NBEAL1: variants seen among roughly 807,000 people sequenced by gnomAD.
NBEAL1 encodes the protein neurobeachin like 1, also known as neurobeachin-like protein 1.
In NBEAL1, 273 loss-of-function variants were observed where a neutral mutation model predicts 351.3. That is an observed-to-expected ratio of 0.78 (90% confidence interval 0.70 to 0.86). The LOEUF is 0.86. Among genes scored for constraint, NBEAL1 ranks in the 40% least tolerant of loss-of-function variants. The pLI is 0.00. For missense variants in NBEAL1, 2,961 were observed against 3,201.3 expected, an observed-to-expected ratio of 0.92 and a Z score of 1.81; for synonymous variants, 1,050 against 1,086.4, an observed-to-expected ratio of 0.97 and a Z score of 0.66.
intron 2 of NBEAL1, among the ~76,000 whole-genome samples, chr2:203,021,285 T>C (rs2060768327): frequency 6.6e-6 from 1 of 151,736 alleles, no homozygotes; most frequent in Admixed American, 6.6e-5. Context: ...CCCAGCCCAG[T>C]ATTTTTTTTA....
intron 15 of NBEAL1, among the ~76,000 whole-genome samples, chr2:203,110,761 TTTTTTC>T (rs1384955387): frequency 1.8e-5 from 1 of 56,264 alleles, no homozygotes; most frequent in Non-Finnish European, 4.1e-5. Context: ...GTAAATTTTC[TTTTTTC>T]TTTTTTTTTT....
In NBEAL1 at chr2:203,130,418, TG is replaced by T; in HGVS notation, c.3507del (p.Tyr1170ThrfsTer5). 1.3e-6 allele frequency: 2 copies of T among 1,511,280 alleles called. No individual in the cohort carries two copies. Among genetic ancestry groups the T allele is most frequent in the Non-Finnish European group, 1.8e-6 (2 of 1,133,366 alleles). The allele number at this position is 1,511,280 out of a possible 1,614,324, so 93.6% of individuals were successfully genotyped here. ...TTTGAACCAGGAAATGCTGACATAC[TG>T]TACGCATTGCTCTTAAATCAGAAGT... is the stretch of plus-strand genomic sequence containing the variant. ...LLFEPGNADILYALLLNQKYS... is the reference protein window; with the variant it reads ...LLFEPGNADIXYALLLNQKYS... On this transcript the variant is annotated frameshift_variant, in exon 25 of 56. Transcript: ENST00000683969. LOFTEE classifies it high-confidence loss of function.
At chr2:203,114,444 A>G (rs2062643836) in intron 17 of NBEAL1, among the ~76,000 whole-genome samples, 1 of 152,216 alleles carries the variant, frequency 6.6e-6, no homozygotes, top group African/African-American at 2.4e-5. Context: ...TCATGAAGGC[A>G]GTAGAATTAG....
intron 35 of NBEAL1, among the ~76,000 whole-genome samples, chr2:203,154,934 C>CAAA (rs55890648): frequency 5.8e-4 from 54 of 92,554 alleles, no homozygotes; most frequent in Non-Finnish European, 7.4e-4. Context: ...GACCTTGTCT[C>CAAA]AAAAAAAAAA....
chr2:203,128,355 G>A (rs187078577), intron 24 of NBEAL1, among the ~76,000 whole-genome samples: 6 of 139,082 alleles, frequency 4.3e-5, no homozygotes, highest in Non-Finnish European at 9.1e-5. Context: ...TGGTCTACCC[G>A]CCTAGGGCTC....
chr2:203,213,405 G>A (rs2065841124), intron 54 of NBEAL1, 113 bp from the exon 55 acceptor site: 3 of 996,830 alleles, frequency 3.0e-6, no homozygotes, highest in Admixed American at 5.2e-5. Flanking sequence ...TCCCACATCT[G>A]TAAAATTAGA....
chr2:203,040,959 TATC>T (rs1057124196), intron 2 of NBEAL1: 11 of 287,320 alleles, frequency 3.8e-5, no homozygotes, highest in Admixed American at 1.3e-4. Context: ...TGGGGGGAAT[TATC>T]ATCAGGTATC....
rs576879853 is a variant in NBEAL1 at position 203,201,783 on chromosome 2, C to T, written c.7411+68C>T. 201 of 1,310,766 alleles carry T rather than the reference C, an allele frequency of 1.5e-4. 3 individuals are homozygous for T. In the South Asian group the frequency reaches 2.5e-3, roughly 16 times the overall value. The allele number at this position is 1,310,766 out of a possible 1,614,324, so 81.2% of individuals were successfully genotyped here. On this transcript the variant is annotated intron_variant, in intron 50 of 55. Coordinates refer to ENST00000683969, the MANE Select transcript of NBEAL1 (RefSeq NM_001378026.1). ...TTTTTTCTTAAGTATAAAAGTAGTA[C>T]GTGCTCTTTGTAAAGAGCATTAAAT...
intron 36 of NBEAL1, 34 bp downstream of exon 36, chr2:203,157,859 AG>A: frequency 1.4e-6 from 2 of 1,440,618 alleles, no homozygotes; most frequent in Non-Finnish European, 1.8e-6. Flanking sequence ...TTTTGTTCTG[AG>A]AAAGGGGATT....
chr2:203,216,975 T>C (rs564325389), intron 55 of NBEAL1, among the ~76,000 whole-genome samples: 2 of 152,230 alleles, frequency 1.3e-5, no homozygotes, highest in South Asian at 4.1e-4. Context: ...GGCTAATTTT[T>C]GTATCTTCAG....
chr2:203,195,824 G>A (rs886946208), intron 47 of NBEAL1, among the ~76,000 whole-genome samples: 2 of 152,098 alleles, frequency 1.3e-5, no homozygotes, highest in Non-Finnish European at 2.9e-5. Flanking sequence ...GGCTGGTCGC[G>A]TACACACCCC....
At chr2:203,090,205 CT>C (rs895462992) in intron 10 of NBEAL1, among the ~76,000 whole-genome samples, 280 of 151,464 alleles carry the variant, frequency 1.8e-3, no homozygotes, top group Non-Finnish European at 9.0e-4. Flanking sequence ...TTAAAAAAAA[CT>C]TTTTTTTTAT....
At chr2:203,104,867 CT>C (rs983733829) in intron 12 of NBEAL1, among the ~76,000 whole-genome samples, 19 of 146,488 alleles carry the variant, frequency 1.3e-4, no homozygotes, top group Non-Finnish European at 1.1e-4. Flanking sequence ...TTCTTTCTTT[CT>C]TTTTTTTTTG....
At chr2:203,151,826 G>A (rs180760438) in intron 35 of NBEAL1, among the ~76,000 whole-genome samples, 1 of 152,070 alleles carries the variant, frequency 6.6e-6, no homozygotes, top group African/African-American at 2.4e-5. Flanking sequence ...AATTATAAAA[G>A]TATACTGTAC....
Position 203,171,590 on chromosome 2 carries a change from G to A in NBEAL1, c.6103-338G>A, listed in dbSNP as rs57176153. On this transcript the variant is annotated intron_variant, in intron 39 of 55. Coordinates refer to ENST00000683969, the MANE Select transcript of NBEAL1 (RefSeq NM_001378026.1). ...ACTGCACTCCAGCCTGGGTGACAAA[G>A]TGAGACCATTTCTCTGAAATAAATA... Among the ~76,000 whole-genome samples, 139 of 152,068 alleles carry A rather than the reference G, an allele frequency of 9.1e-4. 2 individuals carry two copies. Among genetic ancestry groups the A allele is most frequent in the African/African-American group, 2.9e-3 (122 of 41,514 alleles).
At chr2:203,197,658 A>G (rs929408646) in intron 48 of NBEAL1, among the ~76,000 whole-genome samples, 1 of 152,180 alleles carries the variant, frequency 6.6e-6, no homozygotes, top group African/African-American at 2.4e-5. Flanking sequence ...CCGTAATCCC[A>G]GCACTTTGGG....
chr2:203,110,888 C>T (rs1328851508), intron 15 of NBEAL1, among the ~76,000 whole-genome samples: 2 of 150,186 alleles, frequency 1.3e-5, no homozygotes, highest in Non-Finnish European at 3.0e-5. Flanking sequence ...GTCTCAGCCT[C>T]CCAAGTAGCT....
At chr2:203,028,725 C>T (rs996502025) in intron 2 of NBEAL1, among the ~76,000 whole-genome samples, 5 of 151,670 alleles carry the variant, frequency 3.3e-5, no homozygotes, top group Admixed American at 6.6e-5. Context: ...ACTTTAGTCC[C>T]GTTTGACTCA....
At chr2:203,056,619 T>C in intron 5 of NBEAL1, 111 bp downstream of exon 5, 1 of 677,374 alleles carries the variant, frequency 1.5e-6, no homozygotes, top group Non-Finnish European at 2.7e-6. Context: ...CAGGCTGGAG[T>C]GCAATGGCCC....
Sources: gnomAD v4.1 joint callset for allele counts (sites outside exome capture counted in the v4.1 genomes callset) on GRCh38, gnomAD v4.1.1 for gene constraint, MANE v1.5 for transcripts, NCBI Gene and HGNC (gene_info 2026-07-23, HGNC 2026-07-21) for gene names.